Variants in DROSHA observed in about 807,000 individuals in gnomAD.
The protein encoded by DROSHA is drosha ribonuclease III.
DROSHA carries 56 observed loss-of-function variants against 181.9 expected under a neutral mutation model. The observed-to-expected ratio is 0.31, with a 90% confidence interval of 0.25 to 0.38. The LOEUF (loss-of-function observed/expected upper bound fraction) is 0.38. Ranked by LOEUF, DROSHA falls within the 10% of genes least tolerant of loss-of-function variation. The probability of loss-of-function intolerance (pLI) is 1.00; values close to 1 mark genes in which losing one functional copy is unlikely to be tolerated. For missense variants in DROSHA, 1,218 were observed against 1,743.5 expected (o/e 0.70, Z 5.37); for synonymous variants, 524 against 591.2 (o/e 0.89, Z 1.65).
chr5:31,405,767 CTTTTTTTT>C lies in DROSHA; in HGVS notation c.3948-52_3948-45del, dbSNP rs67380927. The C allele has an allele frequency of 3.7e-3, 1,717 of 468,028 alleles. 1 individual carries two copies. The highest frequency in any genetic ancestry group is 9.6e-3 in the East Asian group (194 of 20,112). 29.0% of individuals were successfully genotyped at this position (468,028 alleles called of 1,614,324 possible). On this transcript the variant is annotated intron_variant, in intron 34 of 35. Transcript: ENST00000344624. The stretch of plus-strand genomic sequence containing the variant: ...TAAGACATACTTTAATTTCAAGATT[CTTTTTTTT>C]TTTTTTTTTTTTTTTTCAAAAAATG...
chr5:31,418,991 A>C (rs1051624165), intron 30 of DROSHA, among the ~76,000 whole-genome samples: 13 of 152,234 alleles, frequency 8.5e-5, no homozygotes, highest in African/African-American at 3.1e-4. Context: ...CATTGAAAAG[A>C]CTGGTAGGAG....
chr5:31,437,516 G>A (rs1490752291), intron 23 of DROSHA, among the ~76,000 whole-genome samples: 1 of 151,946 alleles, frequency 6.6e-6, no homozygotes, highest in Admixed American at 6.5e-5. Flanking sequence ...ATATCACGGG[G>A]GTCAGGCTTT....
At chr5:31,485,467 T>C (rs1331759361) in intron 14 of DROSHA, among the ~76,000 whole-genome samples, 1 of 152,076 alleles carries the variant, frequency 6.6e-6, no homozygotes, top group Middle Eastern at 3.2e-3. Flanking sequence ...AAATTTCTCC[T>C]GTAAACAAGC....
chr5:31,461,590 G>A (rs1748407961), intron 20 of DROSHA, among the ~76,000 whole-genome samples: 1 of 152,110 alleles, frequency 6.6e-6, no homozygotes, highest in Admixed American at 6.6e-5. Context: ...CATAAAAACA[G>A]TTACCACTTC....
At chr5:31,481,886 T>C (rs1431673311) in intron 16 of DROSHA, among the ~76,000 whole-genome samples, 1 of 152,152 alleles carries the variant, frequency 6.6e-6, no homozygotes, top group Admixed American at 6.5e-5. Context: ...TGCTCTGCAC[T>C]TGGTCTGTAG....
At chr5:31,466,568 A>C in intron 18 of DROSHA, 1 of 251,164 alleles carries the variant, frequency 4.0e-6, no homozygotes, top group South Asian at 6.4e-5. Context: ...AAGACACAAA[A>C]ACACCTCAAC....
At chr5:31,502,078 G>A (rs1265295021) in intron 11 of DROSHA, among the ~76,000 whole-genome samples, 1 of 152,260 alleles carries the variant, frequency 6.6e-6, no homozygotes, top group Non-Finnish European at 1.5e-5. Flanking sequence ...CTCCTACAAT[G>A]AAGAAAGCAC....
At chr5:31,489,848 G>A (rs116270675) in intron 13 of DROSHA, among the ~76,000 whole-genome samples, 3,286 of 152,168 alleles carry the variant, frequency 0.022, 47 homozygotes, top group Non-Finnish European at 0.035. Flanking sequence ...GACAAAATAC[G>A]GTGTAACTCA....
chr5:31,480,013 C>T (rs1253020686), intron 16 of DROSHA, among the ~76,000 whole-genome samples: 4 of 151,312 alleles, frequency 2.6e-5, no homozygotes, highest in Non-Finnish European at 5.9e-5. Context: ...GTCAATTTAG[C>T]CATTCTGATG....
intron 6 of DROSHA, among the ~76,000 whole-genome samples, chr5:31,516,617 T>C (rs1423076019): frequency 6.6e-6 from 1 of 152,166 alleles, no homozygotes; most frequent in African/African-American, 2.4e-5. Flanking sequence ...CCAGAAAAAT[T>C]ACTGTCAATG....
chr5:31,456,560 G>A (rs1747694475), intron 20 of DROSHA, among the ~76,000 whole-genome samples: 1 of 151,908 alleles, frequency 6.6e-6, no homozygotes, highest in South Asian at 2.1e-4. Flanking sequence ...AAAGTTGTCA[G>A]TATAAAGGTA....
Position 31,405,791 on chromosome 5 carries a change from T to TTTC in DROSHA, c.3948-69_3948-68insGAA, listed in dbSNP as rs397997264. ...TCTTTTTTTTTTTTTTTTTTTTTTT[T>TTTC]CAAAAAATGCAAGGTATGGCTACAA... is the stretch of plus-strand genomic sequence containing the variant. On this transcript the variant is annotated intron_variant, in intron 34 of 35. Coordinates refer to ENST00000344624, the MANE Select transcript of DROSHA (RefSeq NM_001382508.1). 7.1e-6 allele frequency: 8 copies of TTTC among 1,121,904 alleles called. No individual in the cohort carries two copies. In the African/African-American group the frequency reaches 1.1e-4, roughly 16 times the overall value. The allele number at this position is 1,121,904 out of a possible 1,614,324, so 69.5% of individuals were successfully genotyped here. A position where few individuals can be genotyped will look rare whatever the true frequency, so the allele number is the denominator to read the frequency against.
chr5:31,401,826 C>T (rs770834684), intron 35 of DROSHA, among the ~76,000 whole-genome samples: 4 of 152,058 alleles, frequency 2.6e-5, no homozygotes, highest in Non-Finnish European at 5.9e-5. Flanking sequence ...ACCGAACATA[C>T]AGAAATGCCA....
chr5:31,520,237 A>G (rs1739736031), intron 6 of DROSHA, among the ~76,000 whole-genome samples: 1 of 152,116 alleles, frequency 6.6e-6, no homozygotes, highest in African/African-American at 2.4e-5. Context: ...TAAATTTTTT[A>G]ATTTCTTTTC....
intron 13 of DROSHA, among the ~76,000 whole-genome samples, chr5:31,490,182 C>CT (rs146698384): frequency 0.17 from 23,533 of 138,036 alleles, 2,601 homozygotes; most frequent in African/African-American, 0.32. Flanking sequence ...GGCCCTTTTC[C>CT]TTTTTTTTTT....
intron 6 of DROSHA, among the ~76,000 whole-genome samples, chr5:31,516,588 C>T (rs1429279695): frequency 2.0e-5 from 3 of 152,120 alleles, no homozygotes; most frequent in Admixed American, 6.5e-5. Context: ...CATTACAATA[C>T]GCATCATTAG....
Position 31,526,314 on chromosome 5 carries a change from G to C in DROSHA, c.619C>G (p.Leu207Val). The C allele has an allele frequency of 1.2e-6, 2 of 1,613,928 alleles. No homozygotes were observed. The highest frequency in any genetic ancestry group is 1.7e-5 in the Admixed American group (1 of 60,016). Residue 207 changes from leucine (L) to valine (V), a missense_variant, in exon 5 of 36, where the codon CTC (leucine) becomes GTC (valine). Leu to Val is a conservative substitution (Grantham distance 32). Transcript: ENST00000344624. ...NNSSSPHFRH[L>V]PPYPLPKAPS... ...GCCTTTGGGAGTGGGTATGGAGGGAGATGTCTGAAATGAGGACTACTGCTG... is the reference window on the plus strand; with the variant it reads ...GCCTTTGGGAGTGGGTATGGAGGGACATGTCTGAAATGAGGACTACTGCTG...
chr5:31,502,501 C>G (rs1053178277), intron 11 of DROSHA, among the ~76,000 whole-genome samples: 1 of 152,340 alleles, frequency 6.6e-6, no homozygotes, highest in Admixed American at 6.5e-5. Context: ...GCCAGAACCA[C>G]CCATCATAGG....
chr5:31,459,894 T>G (rs774346235), intron 20 of DROSHA, among the ~76,000 whole-genome samples: 5 of 151,218 alleles, frequency 3.3e-5, no homozygotes, highest in Admixed American at 6.6e-5. Context: ...CTGTGCTTCC[T>G]TTTTTTTTCC....
Sources: gnomAD v4.1 joint callset for allele counts (sites outside exome capture counted in the v4.1 genomes callset) on GRCh38, gnomAD v4.1.1 for gene constraint, MANE v1.5 for transcripts, NCBI Gene and HGNC (gene_info 2026-07-23, HGNC 2026-07-21) for gene names.